TMEM63C: variants seen among roughly 807,000 people sequenced by gnomAD.
TMEM63C encodes transmembrane protein 63C, also known as osmosensitive cation channel TMEM63C.
TMEM63C carries 32 observed loss-of-function variants against 99.2 expected under a neutral mutation model. That is an observed-to-expected ratio of 0.32 (90% CI 0.24 to 0.43). TMEM63C has a LOEUF of 0.43. Ranked by LOEUF, TMEM63C falls within the 20% of genes least tolerant of loss-of-function variation. The pLI, the probability that TMEM63C is intolerant of heterozygous loss-of-function variation, is 1.00. For synonymous variants in TMEM63C, 376 were observed against 397.9 expected, an observed-to-expected ratio of 0.94 and a Z score of 0.66; for missense variants, 826 against 1,053.0, an observed-to-expected ratio of 0.78 and a Z score of 2.98.
Position 77,233,462 on chromosome 14 carries a change from T to A in TMEM63C, c.504T>A (p.Ser168Arg). The change falls in exon 8 of 24, where the codon AGT becomes AGA. Residue 168 changes from serine (S) to arginine (R), a missense_variant. Ser to Arg is a moderately radical substitution (Grantham distance 110). Coordinates refer to ENST00000298351, the MANE Select transcript of TMEM63C (RefSeq NM_020431.4). Reference protein sequence around the residue: ...NYTGSVLDWSSHFARTTIVNV... With the variant: ...NYTGSVLDWSRHFARTTIVNV... The stretch of plus-strand genomic sequence containing the variant: ...TTCTTTCTCTTTCAGACTGGAGCAG[T>A]CACTTTGCTCGGACCACCATTGTCA... The A allele has an allele frequency of 6.2e-7, 1 of 1,613,500 alleles. No individual in the cohort carries two copies. Among genetic ancestry groups the A allele is most frequent in the Non-Finnish European group, 8.5e-7 (1 of 1,179,760 alleles).
intron 1 of TMEM63C, among the ~76,000 whole-genome samples, chr14:77,184,476 G>A (rs775433614): frequency 4.6e-5 from 7 of 152,160 alleles, no homozygotes; most frequent in Non-Finnish European, 7.3e-5. Flanking sequence ...GGGAAGAGGC[G>A]GGTGGAAGAA....
Position 77,256,648 on chromosome 14 carries a change from G to A in TMEM63C, c.2343G>A (p.Leu781=). 6.2e-7 allele frequency: 1 copy of A among 1,614,036 alleles called. No homozygotes were observed. ...AAGAGGGAGAAGAAGAGAGTGGTCTGAGGGGCTTTGCGAGGGAGCTAGACT... is the reference window on the plus strand; with the variant it reads ...AAGAGGGAGAAGAAGAGAGTGGTCTAAGGGGCTTTGCGAGGGAGCTAGACT... ...QPEEGEEESG[L]RGFARELDSA... is the part of the protein sequence containing the mutation. The change falls in exon 24 of 24, where the codon CTG becomes CTA. Residue 781 remains leucine (L), a synonymous_variant. Coordinates refer to ENST00000298351, the MANE Select transcript of TMEM63C (RefSeq NM_020431.4).
chr14:77,223,833 C>T (rs1335593672), intron 5 of TMEM63C, among the ~76,000 whole-genome samples: 1 of 152,082 alleles, frequency 6.6e-6, no homozygotes, highest in East Asian at 1.9e-4. Flanking sequence ...AAGATGTGTC[C>T]CCAGTGGTAC....
chr14:77,218,244 G>GGGGA (rs1174377523), intron 2 of TMEM63C, among the ~76,000 whole-genome samples: 3 of 150,302 alleles, frequency 2.0e-5, no homozygotes, highest in Non-Finnish European at 4.4e-5. Flanking sequence ...AAAAAAAGAG[G>GGGGA]GGGGTGTTTC....
intron 1 of TMEM63C, among the ~76,000 whole-genome samples, chr14:77,189,559 G>A: frequency 6.6e-6 from 1 of 152,208 alleles, no homozygotes; most frequent in Non-Finnish European, 1.5e-5. Context: ...GGAAAAGGAA[G>A]GACTTCTAAC....
chr14:77,229,175 G>T (rs553667276), intron 6 of TMEM63C, among the ~76,000 whole-genome samples: 42 of 151,888 alleles, frequency 2.8e-4, no homozygotes, highest in African/African-American at 8.7e-4. Flanking sequence ...AGGCCAAAGC[G>T]GGCAGATCAT....
chr14:77,216,136 G>GAA (rs1888582828), intron 2 of TMEM63C, among the ~76,000 whole-genome samples: 1 of 151,510 alleles, frequency 6.6e-6, no homozygotes. Flanking sequence ...GGGAGAGAGA[G>GAA]AGAGAGAGAG....
chr14:77,207,408 C>A (rs1305087211), intron 1 of TMEM63C, among the ~76,000 whole-genome samples: 1 of 152,144 alleles, frequency 6.6e-6, no homozygotes, highest in Non-Finnish European at 1.5e-5. Context: ...GCTGCCTGGT[C>A]CTTCTCTTTA....
intron 13 of TMEM63C, among the ~76,000 whole-genome samples, chr14:77,241,286 C>T (rs897238843): frequency 3.3e-5 from 5 of 152,152 alleles, no homozygotes; most frequent in Admixed American, 3.3e-4. Context: ...CATAAGAGAG[C>T]GTCAGGATAG....
At chr14:77,246,158 T>C (rs1889265583) in intron 17 of TMEM63C, 132 bp downstream of exon 17, 2 of 759,256 alleles carry the variant, frequency 2.6e-6, no homozygotes, top group Middle Eastern at 2.3e-4. Context: ...ATGCCTGTCA[T>C]GGGTGTAGCA....
At chr14:77,248,636 A>G in intron 19 of TMEM63C, 127 bp downstream of exon 19, 2 of 1,489,486 alleles carry the variant, frequency 1.3e-6, no homozygotes, top group Non-Finnish European at 1.8e-6. Flanking sequence ...TTGGTGGGGC[A>G]CCTTGGTCTA....
intron 12 of TMEM63C, among the ~76,000 whole-genome samples, chr14:77,240,027 C>A (rs1384836297): frequency 6.6e-6 from 1 of 152,186 alleles, no homozygotes; most frequent in Non-Finnish European, 1.5e-5. Flanking sequence ...GGCTGCCAGG[C>A]CTCAGGCTCC....
At chr14:77,223,689 G>A (rs188320075) in intron 5 of TMEM63C, among the ~76,000 whole-genome samples, 4 of 140,036 alleles carry the variant, frequency 2.9e-5, no homozygotes, top group African/African-American at 8.0e-5. Flanking sequence ...GAGAGAGAGA[G>A]AGAGATCCAC....
chr14:77,236,739 A>G lies in TMEM63C; in HGVS notation c.651+7A>G, dbSNP rs1470861717. On this transcript the variant is annotated splice_region_variant and intron_variant, in intron 9 of 23. Coordinates refer to ENST00000298351, the MANE Select transcript of TMEM63C (RefSeq NM_020431.4). ...ACCCAGGAATAGCCAAAAGGTAAGT[A>G]GCCTACAAAGCTGCTTCCCACTGTG... 2 of 1,590,536 alleles carry G rather than the reference A, an allele frequency of 1.3e-6. No individual in the cohort carries two copies. The highest frequency in any genetic ancestry group is 1.7e-6 in the Non-Finnish European group (2 of 1,159,464).
chr14:77,219,796 C>T (rs1475540140), intron 4 of TMEM63C, among the ~76,000 whole-genome samples: 4 of 152,244 alleles, frequency 2.6e-5, no homozygotes, highest in South Asian at 2.1e-4. Flanking sequence ...TTCTGGATCA[C>T]GTGGCTGAAC....
chr14:77,189,992 T>C (rs558847209), intron 1 of TMEM63C, among the ~76,000 whole-genome samples: 3 of 152,308 alleles, frequency 2.0e-5, no homozygotes, highest in Non-Finnish European at 4.4e-5. Flanking sequence ...GAAAATCATG[T>C]GTCATTTTAT....
intron 1 of TMEM63C, among the ~76,000 whole-genome samples, chr14:77,193,918 T>C (rs935934130): frequency 1.3e-5 from 2 of 152,044 alleles, no homozygotes; most frequent in Non-Finnish European, 2.9e-5. Flanking sequence ...AAAGATCACT[T>C]GAGCCCAGGA....
At chr14:77,245,343 A>G (rs1015603704) in intron 16 of TMEM63C, among the ~76,000 whole-genome samples, 10 of 152,042 alleles carry the variant, frequency 6.6e-5, no homozygotes, top group Non-Finnish European at 1.3e-4. Context: ...GTGTATGGAG[A>G]TGGCATCGGT....
intron 1 of TMEM63C, among the ~76,000 whole-genome samples, chr14:77,186,108 T>C (rs1187280205): frequency 2.6e-5 from 4 of 151,798 alleles, no homozygotes; most frequent in African/African-American, 9.7e-5. Context: ...GCCTCCCAGG[T>C]TCAAGCGATT....
Sources: gnomAD v4.1 joint callset for allele counts (sites outside exome capture counted in the v4.1 genomes callset) on GRCh38, gnomAD v4.1.1 for gene constraint, MANE v1.5 for transcripts, NCBI Gene and HGNC (gene_info 2026-07-23, HGNC 2026-07-21) for gene names.